Variants in GRIA4 observed in about 807,000 individuals in gnomAD.
The protein encoded by GRIA4 is glutamate ionotropic receptor AMPA type subunit 4, also known as glutamate receptor 4.
Under a neutral mutation model 104.0 loss-of-function variants are expected in GRIA4, and 34 were observed. The ratio of observed to expected loss-of-function variants is 0.33; its 90% CI spans 0.25 to 0.44. The LOEUF (loss-of-function observed/expected upper bound fraction) is 0.44. Ranked by LOEUF, GRIA4 falls within the 20% of genes least tolerant of loss-of-function variation. The pLI is 1.00. For synonymous variants in GRIA4, 386 were observed against 381.9 expected, an observed-to-expected ratio of 1.01 and a Z score of -0.13; for missense variants, 750 against 1,096.5, an observed-to-expected ratio of 0.68 and a Z score of 4.46.
intron 3 of GRIA4, among the ~76,000 whole-genome samples, chr11:105,691,361 C>T (rs1212160836): frequency 3.3e-5 from 5 of 152,010 alleles, no homozygotes; most frequent in African/African-American, 1.2e-4. Context: ...AATAAAATAA[C>T]ACAGAAAAAA....
chr11:105,774,290 C>T (rs1174650895), intron 4 of GRIA4, among the ~76,000 whole-genome samples: 1 of 151,334 alleles, frequency 6.6e-6, no homozygotes, highest in Non-Finnish European at 1.5e-5. Context: ...CAAAATAGCA[C>T]TTTAAATAAT....
chr11:105,620,610 T>C (rs1480825779), intron 3 of GRIA4, among the ~76,000 whole-genome samples: 1 of 151,858 alleles, frequency 6.6e-6, no homozygotes, highest in Non-Finnish European at 1.5e-5. Flanking sequence ...AATATGGACA[T>C]ATTGATTTTT....
chr11:105,972,414 T>A (rs1858745217), intron 15 of GRIA4, among the ~76,000 whole-genome samples: 2 of 152,220 alleles, frequency 1.3e-5, no homozygotes, highest in African/African-American at 4.8e-5. Context: ...AAATCAGTAG[T>A]AAACCAGAAA....
chr11:105,800,436 G>A (rs1942672963), intron 4 of GRIA4, among the ~76,000 whole-genome samples: 1 of 152,006 alleles, frequency 6.6e-6, no homozygotes, highest in South Asian at 2.1e-4. Context: ...TGGCTGTGAA[G>A]ACTCCTAATG....
chr11:105,611,203 G>T (rs1950470339), intron 2 of GRIA4, 118 bp downstream of exon 2: 1 of 736,434 alleles, frequency 1.4e-6, no homozygotes, highest in Non-Finnish European at 2.5e-6. Context: ...CTTCCCCTCT[G>T]TTTCCCTCCT....
intron 10 of GRIA4, among the ~76,000 whole-genome samples, chr11:105,911,073 G>A (rs117480354): frequency 0.015 from 2,234 of 152,124 alleles, 29 homozygotes; most frequent in Middle Eastern, 0.031. Flanking sequence ...ATAACTAAAT[G>A]ATTTAGGAAT....
chr11:105,826,805 G>T (rs1943786423), intron 4 of GRIA4, among the ~76,000 whole-genome samples: 1 of 151,962 alleles, frequency 6.6e-6, no homozygotes, highest in African/African-American at 2.4e-5. Flanking sequence ...CATCCAAATT[G>T]TCAAGGAAGT....
intron 4 of GRIA4, among the ~76,000 whole-genome samples, chr11:105,814,770 A>G (rs750075170): frequency 3.9e-5 from 6 of 152,232 alleles, no homozygotes; most frequent in Non-Finnish European, 7.3e-5. Context: ...ATGAGCATCT[A>G]TTCTCTTACA....
At chr11:105,648,135 T>A (rs1273808613) in intron 3 of GRIA4, among the ~76,000 whole-genome samples, 1 of 151,880 alleles carries the variant, frequency 6.6e-6, no homozygotes. Context: ...GATTAGAAGA[T>A]AAATGACATA....
intron 3 of GRIA4, among the ~76,000 whole-genome samples, chr11:105,697,843 C>A (rs1953338282): frequency 6.6e-6 from 1 of 151,878 alleles, no homozygotes; most frequent in Non-Finnish European, 1.5e-5. Flanking sequence ...GGTACATATA[C>A]TCATATGTGC....
rs553273955 is a variant in GRIA4, at chr11:105,943,029, T to C, written c.2294+9060T>C. The stretch of plus-strand genomic sequence containing the variant: ...GAGTCTGAGATTCTGAGTCTTACCC[T>C]AGGCTCTCTTTAGGAAAACAACAAA... On this transcript the variant is annotated intron_variant, in intron 14 of 16. Coordinates refer to ENST00000282499, the MANE Select transcript of GRIA4 (RefSeq NM_000829.4). Among the ~76,000 whole-genome samples the C allele has an allele frequency of 7.2e-5, 11 of 152,252 alleles. No individual in the cohort carries two copies. In the South Asian group the frequency reaches 2.3e-3, roughly 32 times the overall value.
chr11:105,892,349 A>G (rs1287918138), intron 6 of GRIA4, among the ~76,000 whole-genome samples: 1 of 152,178 alleles, frequency 6.6e-6, no homozygotes, highest in African/African-American at 2.4e-5. Flanking sequence ...TTTAAAAAGT[A>G]TTATTTAATT....
chr11:105,901,572 T>C (rs779814989), intron 7 of GRIA4, among the ~76,000 whole-genome samples: 5 of 152,170 alleles, frequency 3.3e-5, no homozygotes, highest in African/African-American at 7.2e-5. Flanking sequence ...ATAAGACACA[T>C]AGAAAAGAAT....
At chr11:105,860,482 C>T in intron 4 of GRIA4, among the ~76,000 whole-genome samples, 1 of 152,114 alleles carries the variant, frequency 6.6e-6, no homozygotes, top group East Asian at 1.9e-4. Context: ...CAGACAGTTG[C>T]TATAGAATGA....
intron 3 of GRIA4, among the ~76,000 whole-genome samples, chr11:105,750,745 G>A (rs80044357): frequency 6.6e-6 from 1 of 152,018 alleles, no homozygotes; most frequent in African/African-American, 2.4e-5. Flanking sequence ...AGTACACTTT[G>A]GACATTAAAT....
At chr11:105,933,700 A>C in intron 13 of GRIA4, 22 bp from the exon 14 acceptor site, 1 of 1,508,080 alleles carries the variant, frequency 6.6e-7, no homozygotes, top group Non-Finnish European at 9.0e-7. Context: ...CCTGTATTTA[A>C]TTTTATTTTA....
chr11:105,703,886 G>A (rs973250519), intron 3 of GRIA4, among the ~76,000 whole-genome samples: 1 of 151,952 alleles, frequency 6.6e-6, no homozygotes, highest in Non-Finnish European at 1.5e-5. Flanking sequence ...ACATTCAAGT[G>A]CTGGAAATGA....
At chr11:105,838,951 T>C (rs1944289609) in intron 4 of GRIA4, among the ~76,000 whole-genome samples, 1 of 152,174 alleles carries the variant, frequency 6.6e-6, no homozygotes, top group South Asian at 2.1e-4. Context: ...CACAGCTTAC[T>C]TTTTTGAGAA....
intron 13 of GRIA4, 136 bp from the exon 14 acceptor site, chr11:105,933,586 T>C: frequency 1.7e-6 from 1 of 604,070 alleles, no homozygotes; most frequent in Non-Finnish European, 2.9e-6. Flanking sequence ...ATATTACTAT[T>C]ATGTTACTCT....
Sources: allele counts gnomAD v4.1 joint callset (sites outside exome capture counted in the v4.1 genomes callset), GRCh38; gene constraint gnomAD v4.1.1; transcripts MANE v1.5; gene names NCBI Gene and HGNC (gene_info 2026-07-23, HGNC 2026-07-21).